The following LAP3 variants were observed in gnomAD, a reference collection of about 807,000 sequenced individuals.
LAP3 encodes cytosol aminopeptidase.
A neutral mutation model predicts 58.8 loss-of-function variants in LAP3; 46 were observed. The ratio of observed to expected loss-of-function variants is 0.78; its 90% CI spans 0.62 to 1.00. The LOEUF is 1.00. LAP3 is among the 50% of genes least tolerant of loss of function. LAP3 has a pLI of 0.00. For synonymous variants in LAP3, 257 were observed against 237.7 expected, an observed-to-expected ratio of 1.08 and a Z score of -0.75; for missense variants, 615 against 659.1, an observed-to-expected ratio of 0.93 and a Z score of 0.73.
Position 17,582,274 on chromosome 4 carries a change from T to G in LAP3, c.274-14T>G, listed in dbSNP as rs775143200. On this transcript the variant is annotated splice_polypyrimidine_tract_variant and intron_variant, in intron 3 of 12. Coordinates refer to ENST00000226299, the MANE Select transcript of LAP3 (RefSeq NM_015907.3). ...AAGAAATAAAGTGGTTGATTTGGTGTATCTGTGGGACAGGACTTCCCCAGC... is the reference window on the plus strand; with the variant it reads ...AAGAAATAAAGTGGTTGATTTGGTGGATCTGTGGGACAGGACTTCCCCAGC... 32 of 1,604,720 alleles carry G rather than the reference T, an allele frequency of 2.0e-5. No individual in the cohort carries two copies. The highest frequency in any genetic ancestry group is 2.6e-5 in the Non-Finnish European group (30 of 1,171,944).
chr4:17,595,669 A>G (rs1713811304), intron 8 of LAP3, 135 bp downstream of exon 8: 4 of 1,043,452 alleles, frequency 3.8e-6, no homozygotes, highest in East Asian at 2.4e-5. Flanking sequence ...AGCAGTAGCT[A>G]TTTAGCCCAG....
chr4:17,593,750 C>A (rs1056308775), intron 7 of LAP3, among the ~76,000 whole-genome samples: 1 of 151,166 alleles, frequency 6.6e-6, no homozygotes, highest in African/African-American at 2.4e-5. Context: ...GTAGCTGGGA[C>A]TACAGATGCG....
At position 17,579,700 on chromosome 4, in the gene LAP3, C is replaced by T. The variant is rs1426621598; in HGVS notation, c.103-124C>T. 1.3e-5 allele frequency: 7 copies of T among 528,074 alleles called. No individual in the cohort carries two copies. In the African/African-American group the frequency reaches 1.4e-4, roughly 10 times the overall value. The allele number at this position is 528,074 out of a possible 1,614,324, so 32.7% of individuals were successfully genotyped here. ...CACCTGCTTCTTTTTTTGCTTTCTT[C>T]TGTCCATGGGGAGGACACGGTTTGG... On this transcript the variant is annotated intron_variant, in intron 1 of 12. Transcript: ENST00000226299.
At chr4:17,600,576 C>G (rs1713957673) in intron 10 of LAP3, among the ~76,000 whole-genome samples, 1 of 152,172 alleles carries the variant, frequency 6.6e-6, no homozygotes, top group Admixed American at 6.6e-5. Context: ...CAGCATTCTA[C>G]CCCACTTTTT....
At chr4:17,578,211 G>A (rs2109016614) in intron 1 of LAP3, among the ~76,000 whole-genome samples, 1 of 152,352 alleles carries the variant, frequency 6.6e-6, no homozygotes, top group East Asian at 1.9e-4. Flanking sequence ...GCACCAGAAA[G>A]AGATGACTGT....
Position 17,607,437 on chromosome 4 carries a change from G to T in LAP3, c.1408G>T (p.Glu470Ter). 1 of 1,613,740 alleles carries T rather than the reference G, an allele frequency of 6.2e-7. No individual in the cohort carries two copies. The highest frequency in any genetic ancestry group is 8.5e-7 in the Non-Finnish European group (1 of 1,179,932). ...GACTAAAFLKEFVTHPKWAHL... is the reference protein window; with the variant it reads ...GACTAAAFLK ...ATGTACAGCTGCAGCATTCCTGAAA[G>T]AATTCGTAACTCATCCTAAGTGGGC... Residue 470 changes from glutamate (E) to a stop codon, truncating the protein, a stop_gained, in exon 13 of 13, where the codon GAA becomes TAA. Coordinates refer to ENST00000226299, the MANE Select transcript of LAP3 (RefSeq NM_015907.3). LOFTEE classifies it high-confidence loss of function.
chr4:17,597,904 C>A (rs1713873657), intron 9 of LAP3, among the ~76,000 whole-genome samples: 1 of 152,168 alleles, frequency 6.6e-6, no homozygotes, highest in Non-Finnish European at 1.5e-5. Context: ...CAGAAAACGA[C>A]TGGACCTCTA....
In LAP3 at chr4:17,595,543, G is replaced by A. The variant is rs779884843; in HGVS notation, c.988+9G>A. On this transcript the variant is annotated intron_variant, in intron 8 of 12. Transcript: ENST00000226299. Reference sequence around the variant, plus strand: ...GCCCATTAATATTATAGGTAAGTGGGGTAACGGATTACATCTCATAACGCT... The same window carrying A: ...GCCCATTAATATTATAGGTAAGTGGAGTAACGGATTACATCTCATAACGCT... The A allele has an allele frequency of 1.2e-6, 2 of 1,613,324 alleles. No homozygotes were observed. The highest frequency in any genetic ancestry group is 2.7e-5 in the African/African-American group (2 of 74,994).
chr4:17,596,269 C>T (rs1713827392), intron 8 of LAP3, among the ~76,000 whole-genome samples: 1 of 152,118 alleles, frequency 6.6e-6, no homozygotes, highest in Non-Finnish European at 1.5e-5. Flanking sequence ...AGGATTAATT[C>T]AGTAACCTAA....
intron 6 of LAP3, among the ~76,000 whole-genome samples, chr4:17,588,037 AT>A (rs1338560969): frequency 6.8e-6 from 1 of 146,580 alleles, no homozygotes; most frequent in African/African-American, 2.5e-5. Context: ...TGCTAATTTT[AT>A]TTTTTTAAGA....
Position 17,582,278 on chromosome 4 carries a change from T to C in LAP3, c.274-10T>C. 1 of 1,609,614 alleles carries C rather than the reference T, an allele frequency of 6.2e-7. No homozygotes were observed. The highest frequency in any genetic ancestry group is 8.5e-7 in the Non-Finnish European group (1 of 1,176,088). On this transcript the variant is annotated splice_polypyrimidine_tract_variant and intron_variant, in intron 3 of 12. Transcript: ENST00000226299. ...AATAAAGTGGTTGATTTGGTGTATC[T>C]GTGGGACAGGACTTCCCCAGCGTGG...
rs1713216881 is a variant in LAP3 at position 17,577,252 on chromosome 4, T to TGCGGGCGCACACGAA, written c.-214_-213insGCGGGCGCACACGAA. On this transcript the variant is annotated 5_prime_UTR_variant, in exon 1 of 13. It adds an upstream start codon to the 5' untranslated region. Coordinates refer to ENST00000226299, the MANE Select transcript of LAP3 (RefSeq NM_015907.3). ...GGCGCACACGAATGCGGGCGCACCC[T>TGCGGGCGCACACGAA]TGAGTCCCCTCCACAACCGCGGTTT... 2.9e-4 allele frequency: 40 copies of TGCGGGCGCACACGAA among 139,662 alleles called. No homozygotes were observed. Among genetic ancestry groups the TGCGGGCGCACACGAA allele is most frequent in the Admixed American group, 8.1e-4 (3 of 3,722 alleles). 8.7% of individuals were successfully genotyped at this position (139,662 alleles called of 1,614,324 possible).
rs2109018137 is a variant in LAP3 at position 17,582,690 on chromosome 4, A to AT, written c.379+303dup. ...TTTTCCCAGAACCTGTAGTGTATAG[A>AT]TTTTTTGTAATGCCACCCTGATGCC... On this transcript the variant is annotated intron_variant, in intron 4 of 12. Transcript: ENST00000226299. 3 of 225,536 alleles carry AT rather than the reference A, an allele frequency of 1.3e-5. No homozygotes were observed. In the South Asian group the frequency reaches 2.0e-4, roughly 15 times the overall value. The allele number at this position is 225,536 out of a possible 1,614,324, so 14.0% of individuals were successfully genotyped here. A position where few individuals can be genotyped will look rare whatever the true frequency, so the allele number is the denominator to read the frequency against.
chr4:17,582,254 A>G (rs746450546), intron 3 of LAP3, 34 bp from the exon 4 acceptor site: 20 of 1,535,912 alleles, frequency 1.3e-5, no homozygotes, highest in Non-Finnish European at 1.7e-5. Flanking sequence ...CTTGAAAGAA[A>G]TAAAGTGGTT....
chr4:17,577,836 C>T (rs904380297), intron 1 of LAP3, among the ~76,000 whole-genome samples: 2 of 152,216 alleles, frequency 1.3e-5, no homozygotes, highest in African/African-American at 2.4e-5. Flanking sequence ...CGCACTTGCT[C>T]CAGTCGTCAC....
intron 11 of LAP3, 110 bp downstream of exon 11, chr4:17,604,777 G>A: frequency 1.2e-6 from 1 of 821,160 alleles, no homozygotes; most frequent in South Asian, 1.6e-5. Context: ...TATGCCGCAG[G>A]TTTGCCTTTG....
intron 1 of LAP3, among the ~76,000 whole-genome samples, chr4:17,578,373 C>T (rs977043601): frequency 6.6e-6 from 1 of 152,154 alleles, no homozygotes; most frequent in Non-Finnish European, 1.5e-5. Context: ...CATTGATTCC[C>T]GGGGAGTGAA....
intron 9 of LAP3, among the ~76,000 whole-genome samples, 168 bp downstream of exon 9, chr4:17,597,302 G>A (rs948317184): frequency 7.2e-5 from 11 of 152,156 alleles, no homozygotes; most frequent in Admixed American, 6.5e-4. Flanking sequence ...CTGAAATGGG[G>A]TCTCGCTGCA....
intron 10 of LAP3, among the ~76,000 whole-genome samples, chr4:17,602,612 A>G (rs972571630): frequency 4.6e-5 from 7 of 152,334 alleles, no homozygotes; most frequent in East Asian, 1.9e-4. Flanking sequence ...GATTCCTTAA[A>G]TTATGATATC....
Sources: allele counts gnomAD v4.1 joint callset (sites outside exome capture counted in the v4.1 genomes callset), GRCh38; gene constraint gnomAD v4.1.1; transcripts MANE v1.5; gene names NCBI Gene and HGNC (gene_info 2026-07-23, HGNC 2026-07-21).